The following CAMTA1 variants were observed in gnomAD, a reference collection of about 807,000 sequenced individuals.
CAMTA1 encodes calmodulin-binding transcription activator 1.
In CAMTA1, 27 loss-of-function variants were observed where a neutral mutation model predicts 170.9. That is an observed-to-expected ratio of 0.16 (90% confidence interval 0.12 to 0.22). The LOEUF is 0.22. Ranked by LOEUF, CAMTA1 falls within the 10% of genes least tolerant of loss-of-function variation. The pLI, the probability that CAMTA1 is intolerant of heterozygous loss-of-function variation, is 1.00. For synonymous variants in CAMTA1, 833 were observed against 891.5 expected, an observed-to-expected ratio of 0.93 and a Z score of 1.17; for missense variants, 1,619 against 2,217.2, an observed-to-expected ratio of 0.73 and a Z score of 5.42.
At chr1:7,218,728 C>T (rs1284745656) in intron 4 of CAMTA1, among the ~76,000 whole-genome samples, 2 of 152,164 alleles carry the variant, frequency 1.3e-5, no homozygotes, top group Non-Finnish European at 2.9e-5. Flanking sequence ...CCATGCTCGA[C>T]GTCTGCCTTC....
At chr1:7,486,564 C>T (rs966154669) in intron 6 of CAMTA1, among the ~76,000 whole-genome samples, 4 of 152,324 alleles carry the variant, frequency 2.6e-5, no homozygotes, top group East Asian at 1.9e-4. Context: ...CCAAGGCTGA[C>T]GGGGGCCTGC....
At chr1:7,383,451 C>G (rs974670876) in intron 5 of CAMTA1, among the ~76,000 whole-genome samples, 2 of 152,184 alleles carry the variant, frequency 1.3e-5, no homozygotes, top group Non-Finnish European at 2.9e-5. Context: ...TCCTGTCTGC[C>G]CAGTAACTAA....
At chr1:7,383,776 A>AG (rs972813724) in intron 5 of CAMTA1, among the ~76,000 whole-genome samples, 27 of 144,652 alleles carry the variant, frequency 1.9e-4, no homozygotes, top group African/African-American at 7.0e-4. Flanking sequence ...AATGATGATG[A>AG]GGAGGAGGAT....
intron 6 of CAMTA1, among the ~76,000 whole-genome samples, chr1:7,514,984 A>G (rs1017311747): frequency 1.3e-5 from 2 of 151,638 alleles, no homozygotes; most frequent in Admixed American, 6.6e-5. Context: ...CCCTCCACCC[A>G]GGATCATCAG....
intron 5 of CAMTA1, among the ~76,000 whole-genome samples, chr1:7,439,871 G>A (rs1378879342): frequency 6.6e-6 from 1 of 152,242 alleles, no homozygotes; most frequent in Admixed American, 6.5e-5. Context: ...TCGGAGTCAC[G>A]TGAGCTGCAT....
intron 3 of CAMTA1, among the ~76,000 whole-genome samples, chr1:7,030,812 G>T (rs1209566021): frequency 6.6e-6 from 1 of 151,408 alleles, no homozygotes; most frequent in African/African-American, 2.4e-5. Flanking sequence ...GGTTGATGGT[G>T]TTGTTCAAGT....
intron 11 of CAMTA1, among the ~76,000 whole-genome samples, chr1:7,702,609 G>A (rs1014565052): frequency 4.6e-5 from 7 of 152,192 alleles, no homozygotes; most frequent in African/African-American, 7.2e-5. Flanking sequence ...GCAAGCTGCT[G>A]GGATGTCAGG....
chr1:7,697,496 C>T (rs749969774), intron 11 of CAMTA1, among the ~76,000 whole-genome samples: 2 of 152,152 alleles, frequency 1.3e-5, no homozygotes, highest in South Asian at 2.1e-4. Flanking sequence ...TGGGACAATC[C>T]GCTTTTTAGT....
At chr1:7,198,067 C>T (rs746186240) in intron 4 of CAMTA1, among the ~76,000 whole-genome samples, 30 of 152,190 alleles carry the variant, frequency 2.0e-4, no homozygotes, top group Admixed American at 4.6e-4. Context: ...GTGACCAGGA[C>T]GGAGCATCAT....
intron 6 of CAMTA1, among the ~76,000 whole-genome samples, chr1:7,567,190 G>C (rs1251665281): frequency 6.6e-6 from 1 of 152,240 alleles, no homozygotes; most frequent in Admixed American, 6.5e-5. Flanking sequence ...CAACCTGGCA[G>C]AGTAGAAGGG....
intron 3 of CAMTA1, among the ~76,000 whole-genome samples, chr1:6,903,870 T>G (rs887815033): frequency 9.2e-5 from 14 of 152,194 alleles, no homozygotes; most frequent in Admixed American, 5.2e-4. Flanking sequence ...TGCTCCAGTT[T>G]CCTGTGGACA....
intron 6 of CAMTA1, among the ~76,000 whole-genome samples, chr1:7,535,894 C>T (rs2094543714): frequency 6.6e-6 from 1 of 152,206 alleles, no homozygotes; most frequent in Admixed American, 6.5e-5. Context: ...AAGGGAAGCC[C>T]ACAGTGGGTG....
rs1279729514 is a variant in CAMTA1, at chr1:7,063,331, C to G, written c.235-27973C>G. ...TCAGACCCGTCAGTGTGCTGAGGCGCAGCTTCCCAGAGGGAGGTGTCATCT... is the reference window on the plus strand; with the variant it reads ...TCAGACCCGTCAGTGTGCTGAGGCGGAGCTTCCCAGAGGGAGGTGTCATCT... On this transcript the variant is annotated intron_variant, in intron 3 of 22. Coordinates refer to ENST00000303635, the MANE Select transcript of CAMTA1 (RefSeq NM_015215.4). The surrounding 1 kb of genome is among the most constrained non-coding windows in gnomAD (Gnocchi z 4.3). Among the ~76,000 whole-genome samples, 1 of 152,244 alleles carries G rather than the reference C, an allele frequency of 6.6e-6. No individual in the cohort carries two copies. Among genetic ancestry groups the G allele is most frequent in the Non-Finnish European group, 1.5e-5 (1 of 68,052 alleles).
At chr1:7,198,400 G>A (rs1303542405) in intron 4 of CAMTA1, among the ~76,000 whole-genome samples, 1 of 152,002 alleles carries the variant, frequency 6.6e-6, no homozygotes, top group Non-Finnish European at 1.5e-5. Flanking sequence ...TGGTACAGGA[G>A]GCCTCTGCTT....
chr1:6,848,000 C>T (rs533765942), intron 3 of CAMTA1, among the ~76,000 whole-genome samples: 4 of 151,958 alleles, frequency 2.6e-5, no homozygotes, highest in African/African-American at 7.2e-5. Context: ...TATGAGCCTC[C>T]GCGCCTGGCC....
intron 6 of CAMTA1, among the ~76,000 whole-genome samples, chr1:7,572,456 G>A (rs931675715): frequency 1.3e-5 from 2 of 151,976 alleles, no homozygotes; most frequent in African/African-American, 4.8e-5. Flanking sequence ...TATCTTCCAG[G>A]GTTTTTATGG....
intron 4 of CAMTA1, among the ~76,000 whole-genome samples, chr1:7,138,025 G>T (rs1389643521): frequency 1.3e-5 from 2 of 152,112 alleles, no homozygotes; most frequent in Non-Finnish European, 2.9e-5. Context: ...TTGCTCTGTT[G>T]CCCAGGCTGG....
At position 7,231,729 on chromosome 1, in the gene CAMTA1, C is replaced by CTAT. The variant is rs1662875440; in HGVS notation, c.303-17761_303-17759dup. Among the ~76,000 whole-genome samples, 5 of 152,340 alleles carry CTAT rather than the reference C, an allele frequency of 3.3e-5. No homozygotes were observed. In the South Asian group the frequency reaches 1.0e-3, roughly 32 times the overall value. On this transcript the variant is annotated intron_variant, in intron 4 of 22. Transcript: ENST00000303635. Reference sequence around the variant, plus strand: ...CGATGAGATGGAGATGACAGCTCCCCTATGCGGCAGCCAGACCTGGGGCCA... The same window carrying CTAT: ...CGATGAGATGGAGATGACAGCTCCCCTATTATGCGGCAGCCAGACCTGGGGCCA...
At chr1:7,644,871 G>A (rs541190040) in intron 7 of CAMTA1, among the ~76,000 whole-genome samples, 1 of 152,070 alleles carries the variant, frequency 6.6e-6, no homozygotes, top group Non-Finnish European at 1.5e-5. Context: ...GCTGTGCTTA[G>A]CCTGGGGTGC....
Sources: allele counts gnomAD v4.1 joint callset (sites outside exome capture counted in the v4.1 genomes callset), GRCh38; gene constraint gnomAD v4.1.1; non-coding constraint Gnocchi (gnomAD v3.1); transcripts MANE v1.5; gene names NCBI Gene and HGNC (gene_info 2026-07-23, HGNC 2026-07-21).